Variants in ARHGAP15 observed in about 807,000 individuals in gnomAD.
ARHGAP15 encodes rho GTPase-activating protein 15.
ARHGAP15 carries 51 observed loss-of-function variants against 63.7 expected under a neutral mutation model. The observed-to-expected ratio is 0.80, with a 90% CI of 0.64 to 1.01. The LOEUF is 1.01. Among genes scored for constraint, ARHGAP15 ranks in the 50% least tolerant of loss-of-function variants. The pLI, the probability that ARHGAP15 is intolerant of heterozygous loss-of-function variation, is 0.00. For missense variants in ARHGAP15, 560 were observed against 564.6 expected, an observed-to-expected ratio of 0.99 and a Z score of 0.08; for synonymous variants, 191 against 193.8, an observed-to-expected ratio of 0.99 and a Z score of 0.12.
At chr2:143,175,651 G>C (rs1186843182) in intron 2 of ARHGAP15, among the ~76,000 whole-genome samples, 1 of 152,122 alleles carries the variant, frequency 6.6e-6, no homozygotes, top group Admixed American at 6.6e-5. Flanking sequence ...ACAGATCTTG[G>C]GGTGACTAAC....
chr2:143,753,563 A>G (rs1265510610), intron 13 of ARHGAP15, among the ~76,000 whole-genome samples: 4 of 152,316 alleles, frequency 2.6e-5, no homozygotes, highest in African/African-American at 7.2e-5. Flanking sequence ...CATTCCTTCA[A>G]CGTAGTACAG....
At chr2:143,174,854 A>G (rs908796561) in intron 2 of ARHGAP15, among the ~76,000 whole-genome samples, 2 of 152,160 alleles carry the variant, frequency 1.3e-5, no homozygotes, top group Non-Finnish European at 2.9e-5. Flanking sequence ...CTTTATACAA[A>G]CACAATGTAT....
At chr2:143,693,318 C>T (rs1369883053) in intron 12 of ARHGAP15, among the ~76,000 whole-genome samples, 1 of 152,088 alleles carries the variant, frequency 6.6e-6, no homozygotes, top group African/African-American at 2.4e-5. Flanking sequence ...ATAAAATATC[C>T]CACAAAGTCC....
intron 13 of ARHGAP15, among the ~76,000 whole-genome samples, chr2:143,741,920 T>C (rs1685977585): frequency 6.6e-6 from 1 of 152,158 alleles, no homozygotes; most frequent in South Asian, 2.1e-4. Context: ...TATTTTCCCT[T>C]CTAAGTTATA....
intron 6 of ARHGAP15, among the ~76,000 whole-genome samples, chr2:143,292,115 G>GTACT (rs1215427063): frequency 5.6e-5 from 1 of 17,708 alleles, no homozygotes; most frequent in Non-Finnish European, 1.4e-4. Flanking sequence ...GGGCTTTTCT[G>GTACT]TATATAAGCA....
chr2:143,426,499 G>T (rs1168163921), intron 6 of ARHGAP15, among the ~76,000 whole-genome samples: 3 of 152,142 alleles, frequency 2.0e-5, no homozygotes, highest in Non-Finnish European at 4.4e-5. Flanking sequence ...TTCTGGCTAT[G>T]CTGCGAACCG....
At chr2:143,394,799 G>T (rs1264404893) in intron 6 of ARHGAP15, among the ~76,000 whole-genome samples, 1 of 152,076 alleles carries the variant, frequency 6.6e-6, no homozygotes, top group African/African-American at 2.4e-5. Flanking sequence ...AGAAATCCTA[G>T]GTTACATGAT....
At chr2:143,197,086 T>A (rs1465408605) in intron 2 of ARHGAP15, among the ~76,000 whole-genome samples, 3 of 151,968 alleles carry the variant, frequency 2.0e-5, no homozygotes, top group Non-Finnish European at 4.4e-5. Flanking sequence ...AATGTAGGGT[T>A]TTTATATCAG....
In ARHGAP15 at chr2:143,153,843, T is replaced by TTCTTCTTCTTCCTCTTCCTCCTCCTCC. The variant is rs1689957969; in HGVS notation, c.-14-1632_-14-1631insTTCTTCTTCCTCTTCCTCCTCCTCCTC. 6.9e-5 allele frequency among the ~76,000 whole-genome samples: 6 copies of TTCTTCTTCTTCCTCTTCCTCCTCCTCC among 86,892 alleles called. 1 individual carries two copies. In the East Asian group the frequency reaches 1.3e-3, roughly 18 times the overall value. 57.0% of individuals were successfully genotyped at this position (86,892 alleles called of 152,430 possible). On this transcript the variant is annotated intron_variant, in intron 1 of 13. Transcript: ENST00000295095. ...CTTCTTCTTCTTCTTCTTCTTCTTC[T>TTCTTCTTCTTCCTCTTCCTCCTCCTCC]TCCTCCTCCTCCTCCTCCTCCTCCT...
chr2:143,271,600 G>C (rs919620002), intron 6 of ARHGAP15, among the ~76,000 whole-genome samples: 1 of 152,076 alleles, frequency 6.6e-6, no homozygotes, highest in Non-Finnish European at 1.5e-5. Flanking sequence ...CTCAGCCTCC[G>C]GAGTAGCTGG....
chr2:143,153,421 T>A (rs1460974647), intron 1 of ARHGAP15, among the ~76,000 whole-genome samples: 1 of 151,972 alleles, frequency 6.6e-6, no homozygotes, highest in Non-Finnish European at 1.5e-5. Context: ...CTCAATTAGA[T>A]AATTTTGAAT....
intron 10 of ARHGAP15, among the ~76,000 whole-genome samples, chr2:143,551,409 C>G (rs568270545): frequency 6.6e-6 from 1 of 152,248 alleles, no homozygotes; most frequent in Non-Finnish European, 1.5e-5. Flanking sequence ...CCTGCCTTGG[C>G]CTCCCAAAGT....
At chr2:143,365,648 CAT>C (rs1686262947) in intron 6 of ARHGAP15, among the ~76,000 whole-genome samples, 1 of 152,224 alleles carries the variant, frequency 6.6e-6, no homozygotes, top group Non-Finnish European at 1.5e-5. Context: ...GGATTATAAA[CAT>C]AGAACTTCCC....
chr2:143,205,144 A>T (rs1692278687), intron 3 of ARHGAP15, among the ~76,000 whole-genome samples: 1 of 151,494 alleles, frequency 6.6e-6, no homozygotes, highest in Middle Eastern at 3.2e-3. Context: ...AAAATTAGCC[A>T]CGTGTGGTGG....
intron 12 of ARHGAP15, among the ~76,000 whole-genome samples, chr2:143,642,663 T>C (rs1270850221): frequency 2.0e-5 from 3 of 152,078 alleles, no homozygotes; most frequent in Non-Finnish European, 2.9e-5. Flanking sequence ...GAGAAGAACA[T>C]GTGAGCACAT....
intron 6 of ARHGAP15, among the ~76,000 whole-genome samples, chr2:143,415,777 T>A (rs773731634): frequency 6.6e-6 from 1 of 152,182 alleles, no homozygotes; most frequent in Non-Finnish European, 1.5e-5. Context: ...ATATATACAA[T>A]GGAATACTAC....
chr2:143,464,173 G>T (rs1049456936), intron 8 of ARHGAP15, among the ~76,000 whole-genome samples: 1 of 152,126 alleles, frequency 6.6e-6, no homozygotes, highest in Non-Finnish European at 1.5e-5. Flanking sequence ...TAAGGCTGAT[G>T]ACAAAGCCAG....
At chr2:143,549,698 G>C (rs1408711988) in intron 10 of ARHGAP15, among the ~76,000 whole-genome samples, 2 of 152,228 alleles carry the variant, frequency 1.3e-5, no homozygotes, top group African/African-American at 2.4e-5. Context: ...ATCTGAGAAA[G>C]AAGACAGTGG....
intron 2 of ARHGAP15, among the ~76,000 whole-genome samples, chr2:143,190,494 T>C (rs765984212): frequency 5.3e-5 from 8 of 152,308 alleles, no homozygotes; most frequent in South Asian, 4.1e-4. Flanking sequence ...TTGTTGCTAA[T>C]GAGGTAGATT....
Sources: allele counts gnomAD v4.1 joint callset (sites outside exome capture counted in the v4.1 genomes callset), GRCh38; gene constraint gnomAD v4.1.1; transcripts MANE v1.5; gene names NCBI Gene and HGNC (gene_info 2026-07-23, HGNC 2026-07-21).